The following PDS5B variants were observed in gnomAD, a reference collection of about 807,000 sequenced individuals.
PDS5B encodes PDS5 cohesin associated factor B.
In PDS5B, 51 loss-of-function variants were observed where a neutral mutation model predicts 184.1. That is an observed-to-expected ratio of 0.28 (90% confidence interval 0.22 to 0.35). The LOEUF is 0.35. PDS5B is among the 10% of genes least tolerant of loss of function. The pLI is 1.00. For synonymous variants in PDS5B, 566 were observed against 569.2 expected (o/e 0.99, Z 0.08); for missense variants, 1,180 against 1,723.3 (o/e 0.68, Z 5.58).
At chr13:32,614,538 G>C (rs2058191229) in intron 1 of PDS5B, among the ~76,000 whole-genome samples, 1 of 151,990 alleles carries the variant, frequency 6.6e-6, no homozygotes, top group African/African-American at 2.4e-5. Flanking sequence ...CCTCAAGTGA[G>C]CTGCCCGCCT....
At chr13:32,642,492 A>C (rs771057983) in intron 1 of PDS5B, among the ~76,000 whole-genome samples, 8 of 152,162 alleles carry the variant, frequency 5.3e-5, no homozygotes, top group Non-Finnish European at 1.2e-4. Flanking sequence ...AGAAAAAGTT[A>C]AAATGAGACT....
At chr13:32,730,605 A>G (rs576580353) in intron 19 of PDS5B, among the ~76,000 whole-genome samples, 1 of 152,030 alleles carries the variant, frequency 6.6e-6, no homozygotes, top group East Asian at 1.9e-4. Context: ...ATTTGTTTGT[A>G]TCCTCTCTTT....
intron 1 of PDS5B, among the ~76,000 whole-genome samples, chr13:32,590,336 A>T (rs527762459): frequency 2.0e-5 from 3 of 152,208 alleles, no homozygotes; most frequent in African/African-American, 7.2e-5. Flanking sequence ...ATATACATAC[A>T]GTACCAGGGA....
intron 25 of PDS5B, among the ~76,000 whole-genome samples, chr13:32,754,192 T>G (rs1333753144): frequency 6.6e-6 from 1 of 152,198 alleles, no homozygotes; most frequent in Admixed American, 6.6e-5. Flanking sequence ...TAATTGTTCC[T>G]GTGCCTCTGA....
At chr13:32,662,050 T>C (rs1409476062) in intron 6 of PDS5B, among the ~76,000 whole-genome samples, 2 of 152,084 alleles carry the variant, frequency 1.3e-5, no homozygotes, top group Non-Finnish European at 2.9e-5. Context: ...GGTTCTCAGA[T>C]TGGATTGAAC....
chr13:32,764,197 A>G (rs530494832), intron 30 of PDS5B, among the ~76,000 whole-genome samples: 171 of 152,324 alleles, frequency 1.1e-3, no homozygotes, highest in African/African-American at 4.0e-3. Context: ...TAAACTGCCA[A>G]CGAGAAAAGT....
chr13:32,596,867 A>C (rs2057881585), intron 1 of PDS5B, among the ~76,000 whole-genome samples: 1 of 152,092 alleles, frequency 6.6e-6, no homozygotes, highest in Non-Finnish European at 1.5e-5. Context: ...GGAATTCTTA[A>C]TGTACTCACG....
At position 32,648,793 on chromosome 13, in the gene PDS5B, G is replaced by T; in HGVS notation, c.21G>T (p.Arg7Ser). The T allele has an allele frequency of 6.5e-7, 1 of 1,528,210 alleles. No individual in the cohort carries two copies. The highest frequency in any genetic ancestry group is 1.1e-5 in the South Asian group (1 of 89,298). The allele number at this position is 1,528,210 out of a possible 1,614,324, so 94.7% of individuals were successfully genotyped here. Residue 7 changes from arginine (R) to serine (S), a missense_variant, in exon 2 of 35, where the codon AGG becomes AGT. By Grantham distance (110) the Arg-to-Ser change is moderately radical (BLOSUM62 -1). This residue lies in a region of PDS5B where 13 missense variants were observed against 16.1 expected (regional missense o/e 0.81). Coordinates refer to ENST00000315596, the MANE Select transcript of PDS5B (RefSeq NM_015032.4). MAHSKTRTNDGKITYPP... is the reference protein window; with the variant it reads MAHSKTSTNDGKITYPP... ...CTGTCATGGCTCATTCAAAGACTAG[G>T]ACCAATGATGGAAAAATTACATATC...
At chr13:32,679,000 A>G (rs745847712) in intron 10 of PDS5B, 71 bp downstream of exon 10, 479 of 276,242 alleles carry the variant, frequency 1.7e-3, no homozygotes, top group Non-Finnish European at 2.7e-3. Context: ...TCATAGGGGG[A>G]AAAAAAACCC....
chr13:32,592,037 G>A (rs2057783797), intron 1 of PDS5B, among the ~76,000 whole-genome samples: 1 of 152,158 alleles, frequency 6.6e-6, no homozygotes, highest in African/African-American at 2.4e-5. Context: ...CGACACACAG[G>A]AAGGGAGATT....
In PDS5B at chr13:32,606,073, G is replaced by T. The variant is rs545427782; in HGVS notation, c.-20+19480G>T. ...GAGCATTTAGCCCATTTACATTTGAGGTTAATATTGTTATGTGTGAATTTG... is the reference window on the plus strand; with the variant it reads ...GAGCATTTAGCCCATTTACATTTGATGTTAATATTGTTATGTGTGAATTTG... On this transcript the variant is annotated intron_variant, in intron 1 of 34. Transcript: ENST00000315596. 2.6e-5 allele frequency among the ~76,000 whole-genome samples: 4 copies of T among 152,146 alleles called. No homozygotes were observed. In the East Asian group the frequency reaches 7.7e-4, roughly 29 times the overall value.
intron 24 of PDS5B, among the ~76,000 whole-genome samples, chr13:32,752,831 T>C (rs1286907510): frequency 2.0e-5 from 3 of 152,166 alleles, no homozygotes; most frequent in Non-Finnish European, 4.4e-5. Context: ...TTGTGCTTTT[T>C]ATTTCTTTAT....
chr13:32,619,456 G>C (rs1464830532), intron 1 of PDS5B, among the ~76,000 whole-genome samples: 5 of 152,052 alleles, frequency 3.3e-5, no homozygotes, highest in African/African-American at 1.2e-4. Flanking sequence ...AAAATATGAT[G>C]GATAAAAAAT....
intron 1 of PDS5B, among the ~76,000 whole-genome samples, chr13:32,618,830 T>C (rs2058255169): frequency 1.3e-5 from 2 of 152,212 alleles, no homozygotes; most frequent in Non-Finnish European, 1.5e-5. Flanking sequence ...TTTTTTCTTT[T>C]TTCCCCACCA....
At chr13:32,667,389 A>T (rs185110585) in intron 6 of PDS5B, among the ~76,000 whole-genome samples, 1 of 152,242 alleles carries the variant, frequency 6.6e-6, no homozygotes, top group Non-Finnish European at 1.5e-5. Context: ...ACTAGAACAT[A>T]GTTCATTCTC....
chr13:32,668,187 C>T (rs923540547), intron 7 of PDS5B, among the ~76,000 whole-genome samples: 1 of 152,036 alleles, frequency 6.6e-6, no homozygotes, highest in African/African-American at 2.4e-5. Flanking sequence ...TATTCAGAGA[C>T]GTTGCTTACA....
chr13:32,679,884 AGTGTGTGTGTGTGTGTGT>A (rs34635708), intron 10 of PDS5B, among the ~76,000 whole-genome samples: 1 of 143,616 alleles, frequency 7.0e-6, no homozygotes, highest in African/African-American at 2.6e-5. Context: ...TTCGTCTGTG[AGTGTGTGTGTGTGTGTGT>A]GTGTGTGTGT....
chr13:32,744,715 A>C (rs1348582067), intron 23 of PDS5B, among the ~76,000 whole-genome samples: 2 of 152,178 alleles, frequency 1.3e-5, no homozygotes, highest in African/African-American at 4.8e-5. Context: ...ATTAATAGCT[A>C]CTTGGAATAT....
intron 19 of PDS5B, among the ~76,000 whole-genome samples, chr13:32,714,351 C>T (rs1365578495): frequency 6.6e-6 from 1 of 151,936 alleles, no homozygotes; most frequent in Non-Finnish European, 1.5e-5. Context: ...GACCACAGGA[C>T]TGAGGCGAAA....
Sources: gnomAD v4.1 joint callset for allele counts (sites outside exome capture counted in the v4.1 genomes callset) on GRCh38, gnomAD v4.1.1 for gene constraint, gnomAD v4.1.1 regional missense constraint, MANE v1.5 for transcripts, NCBI Gene and HGNC (gene_info 2026-07-23, HGNC 2026-07-21) for gene names.